Variants in DIAPH3 observed in about 807,000 individuals in gnomAD.
DIAPH3 encodes protein diaphanous homolog 3.
DIAPH3 carries 117 observed loss-of-function variants against 144.3 expected under a neutral mutation model. The observed-to-expected ratio is 0.81, with a 90% confidence interval of 0.70 to 0.95. The LOEUF (loss-of-function observed/expected upper bound fraction) is 0.95, where lower values mean the gene tolerates loss of function less well. Among genes scored for constraint, DIAPH3 ranks in the 40% least tolerant of loss-of-function variants. The pLI, the probability that DIAPH3 is intolerant of heterozygous loss-of-function variation, is 0.00. For synonymous variants in DIAPH3, 519 were observed against 488.9 expected, an observed-to-expected ratio of 1.06 and a Z score of -0.81; for missense variants, 1,421 against 1,412.7, an observed-to-expected ratio of 1.01 and a Z score of -0.09.
chr13:59,719,787 C>G (rs148432552), intron 27 of DIAPH3, among the ~76,000 whole-genome samples: 2 of 152,128 alleles, frequency 1.3e-5, no homozygotes, highest in Non-Finnish European at 2.9e-5. Context: ...TTGGGAATTA[C>G]AAGCTAAAGG....
At chr13:60,016,264 T>C (rs984372273) in intron 5 of DIAPH3, 119 bp from the exon 6 acceptor site, 7 of 874,540 alleles carry the variant, frequency 8.0e-6, no homozygotes, top group Non-Finnish European at 9.0e-6. Context: ...AACATAAGAA[T>C]AACACCATAT....
intron 18 of DIAPH3, among the ~76,000 whole-genome samples, chr13:59,917,062 A>C (rs1177831168): frequency 6.6e-6 from 1 of 152,124 alleles, no homozygotes; most frequent in Non-Finnish European, 1.5e-5. Flanking sequence ...TCTTAACCAT[A>C]CTCAGCACCT....
chr13:59,908,369 CAAAAAAAA>C (rs773306723), intron 20 of DIAPH3, among the ~76,000 whole-genome samples: 2 of 41,172 alleles, frequency 4.9e-5, no homozygotes, highest in Middle Eastern at 0.036. Flanking sequence ...GACTCTGTCT[CAAAAAAAA>C]AAAAAAAAAA....
chr13:59,941,863 T>C lies in DIAPH3; in HGVS notation c.2075-16993A>G, dbSNP rs2048552615. Among the ~76,000 whole-genome samples, 9 of 147,042 alleles carry C rather than the reference T, an allele frequency of 6.1e-5. No homozygotes were observed. The South Asian group carries it at 2.0e-3, about 32-fold the overall frequency. On this transcript the variant is annotated intron_variant, in intron 17 of 27. Transcript: ENST00000400324. ...CAGCAAAGAAGGATGGCAAAAAAAA[T>C]CTATTTCTTCCCAATATGTACATGC...
chr13:60,087,595 A>T (rs1454268228), intron 4 of DIAPH3, among the ~76,000 whole-genome samples: 3 of 152,198 alleles, frequency 2.0e-5, no homozygotes, highest in Admixed American at 1.3e-4. Context: ...AAAAAGTCTG[A>T]GGAAGAACTA....
At chr13:59,856,526 G>GTT (rs889745067) in intron 22 of DIAPH3, among the ~76,000 whole-genome samples, 7 of 152,150 alleles carry the variant, frequency 4.6e-5, no homozygotes, top group African/African-American at 1.4e-4. Flanking sequence ...CCTCCTCACT[G>GTT]TGTCTTCACA....
chr13:60,041,106 TATATATTTTTAAATGAACCTGGACAA>T (rs56063627), intron 5 of DIAPH3, among the ~76,000 whole-genome samples: 83,980 of 151,438 alleles, frequency 0.55, 23,854 homozygotes, highest in Admixed American at 0.6. Context: ...GAGCCTGTAA[TATATATTTTTAAATGAACCTGGACAA>T]ATATATTTTT....
chr13:60,077,064 A>G (rs1282268232), intron 4 of DIAPH3, among the ~76,000 whole-genome samples: 1 of 152,098 alleles, frequency 6.6e-6, no homozygotes, highest in Non-Finnish European at 1.5e-5. Flanking sequence ...TTTAAGTTGT[A>G]TCTTTGATTT....
chr13:59,965,813 C>T (rs1441110901), intron 17 of DIAPH3, among the ~76,000 whole-genome samples: 1 of 152,058 alleles, frequency 6.6e-6, no homozygotes, highest in African/African-American at 2.4e-5. Flanking sequence ...ATGGGAAGCA[C>T]ACCTGCCTTA....
chr13:59,754,367 G>C (rs77236471), intron 27 of DIAPH3, among the ~76,000 whole-genome samples: 5,643 of 152,212 alleles, frequency 0.037, 131 homozygotes, highest in Middle Eastern at 0.061. Context: ...ACACTCAACA[G>C]CGTCTGACAC....
chr13:59,678,107 T>C (rs1426543543), intron 27 of DIAPH3, among the ~76,000 whole-genome samples: 4 of 152,174 alleles, frequency 2.6e-5, no homozygotes, highest in Non-Finnish European at 5.9e-5. Flanking sequence ...GAGAGTGACC[T>C]TTATGCTATT....
intron 27 of DIAPH3, among the ~76,000 whole-genome samples, chr13:59,748,131 T>G (rs1267318270): frequency 6.6e-6 from 1 of 152,188 alleles, no homozygotes; most frequent in African/African-American, 2.4e-5. Flanking sequence ...GAGTTCCGGG[T>G]ACCAAAAGAG....
At chr13:59,763,572 T>C (rs1036850277) in intron 27 of DIAPH3, among the ~76,000 whole-genome samples, 1 of 152,110 alleles carries the variant, frequency 6.6e-6, no homozygotes, top group African/African-American at 2.4e-5. Context: ...TAGTCCCAGC[T>C]ACTCGCAAGG....
intron 1 of DIAPH3, among the ~76,000 whole-genome samples, chr13:60,148,156 AAAG>A (rs1326973083): frequency 6.6e-6 from 1 of 152,230 alleles, no homozygotes; most frequent in African/African-American, 2.4e-5. Context: ...AATACAAAAG[AAAG>A]AAGTTTATGA....
chr13:60,078,101 T>C (rs17057593), intron 4 of DIAPH3, among the ~76,000 whole-genome samples: 11,887 of 152,122 alleles, frequency 0.078, 1,388 homozygotes, highest in African/African-American at 0.26. Flanking sequence ...TCCCCATCAA[T>C]GTGAATAATG....
At chr13:59,881,989 C>A (rs1356978706) in intron 20 of DIAPH3, among the ~76,000 whole-genome samples, 4 of 152,126 alleles carry the variant, frequency 2.6e-5, no homozygotes, top group African/African-American at 9.7e-5. Flanking sequence ...CATATGATGA[C>A]CCCTAGGCCA....
chr13:59,872,519 CA>C (rs2044341457), intron 21 of DIAPH3, among the ~76,000 whole-genome samples: 1 of 152,106 alleles, frequency 6.6e-6, no homozygotes, highest in South Asian at 2.1e-4. Flanking sequence ...CCCTGTCCCC[CA>C]AGAACAAATG....
chr13:59,807,119 G>A (rs976263540), intron 25 of DIAPH3, among the ~76,000 whole-genome samples: 58 of 151,788 alleles, frequency 3.8e-4, no homozygotes, highest in African/African-American at 1.2e-3. Context: ...TTTGTTATAT[G>A]GTTATATGAC....
intron 4 of DIAPH3, among the ~76,000 whole-genome samples, chr13:60,063,450 T>A (rs1416696520): frequency 6.6e-6 from 1 of 152,138 alleles, no homozygotes; most frequent in African/African-American, 2.4e-5. Flanking sequence ...CCCCCATGAA[T>A]CACAAATGTT....
Sources: allele counts gnomAD v4.1 joint callset (sites outside exome capture counted in the v4.1 genomes callset), GRCh38; gene constraint gnomAD v4.1.1; transcripts MANE v1.5; gene names NCBI Gene and HGNC (gene_info 2026-07-23, HGNC 2026-07-21).